Variants in BICD1 observed in about 807,000 individuals in gnomAD.
The protein encoded by BICD1 is protein bicaudal D homolog 1.
BICD1 carries 35 observed loss-of-function variants against 92.5 expected under a neutral mutation model. That is an observed-to-expected ratio of 0.38 (90% CI 0.29 to 0.50). The LOEUF (loss-of-function observed/expected upper bound fraction) is 0.50. BICD1 is among the 20% of genes least tolerant of loss of function. The pLI, the probability that BICD1 is intolerant of heterozygous loss-of-function variation, is 0.93. For missense variants in BICD1, 950 were observed against 1,189.8 expected (o/e 0.80, Z 2.97); for synonymous variants, 429 against 465.1 (o/e 0.92, Z 1.00).
intron 2 of BICD1, among the ~76,000 whole-genome samples, chr12:32,274,027 G>A (rs1947213193): frequency 6.6e-6 from 1 of 152,212 alleles, no homozygotes; most frequent in Non-Finnish European, 1.5e-5. Flanking sequence ...AGAAAGGGCA[G>A]GCTTTATCCG....
At chr12:32,167,270 A>G (rs1306025449) in intron 1 of BICD1, among the ~76,000 whole-genome samples, 1 of 152,258 alleles carries the variant, frequency 6.6e-6, no homozygotes, top group Non-Finnish European at 1.5e-5. Context: ...AATGAAATAA[A>G]AATGAAAAAT....
In BICD1 at chr12:32,205,375, C is replaced by T. The variant is rs998972821; in HGVS notation, c.214-10872C>T. ...GCTCCCCAAGTGATTCTAATGGGTTCGTAAGGTTGAGAACCACTGCTTGAG... is the reference window on the plus strand; with the variant it reads ...GCTCCCCAAGTGATTCTAATGGGTTTGTAAGGTTGAGAACCACTGCTTGAG... On this transcript the variant is annotated intron_variant, in intron 1 of 9. Transcript: ENST00000652176. 2.6e-5 allele frequency among the ~76,000 whole-genome samples: 4 copies of T among 152,004 alleles called. No homozygotes were observed. The South Asian group carries it at 6.2e-4, about 24-fold the overall frequency.
At chr12:32,230,676 C>T (rs1945857505) in intron 2 of BICD1, among the ~76,000 whole-genome samples, 1 of 152,150 alleles carries the variant, frequency 6.6e-6, no homozygotes, top group South Asian at 2.1e-4. Context: ...AAGGAGAATG[C>T]TCTGAAAGCA....
intron 1 of BICD1, among the ~76,000 whole-genome samples, chr12:32,179,245 C>T (rs777434455): frequency 1.3e-5 from 2 of 151,862 alleles, no homozygotes; most frequent in African/African-American, 2.4e-5. Context: ...CAGGCCCCGC[C>T]GCAAGTGATG....
chr12:32,173,898 C>T (rs531311227), intron 1 of BICD1, among the ~76,000 whole-genome samples: 36 of 152,304 alleles, frequency 2.4e-4, no homozygotes, highest in Non-Finnish European at 2.9e-4. Flanking sequence ...TGATTTCTTA[C>T]CAAGATTTCC....
intron 1 of BICD1, among the ~76,000 whole-genome samples, chr12:32,138,974 T>C (rs1942819126): frequency 6.6e-6 from 1 of 152,226 alleles, no homozygotes; most frequent in Admixed American, 6.5e-5. Context: ...GTGATTTTGA[T>C]TAATTTATAT....
At chr12:32,362,438 C>G (rs1939366672) in intron 8 of BICD1, among the ~76,000 whole-genome samples, 1 of 152,178 alleles carries the variant, frequency 6.6e-6, no homozygotes, top group African/African-American at 2.4e-5. Context: ...CGAGAGAAAG[C>G]CACACAGCAA....
At chr12:32,339,644 G>T in intron 8 of BICD1, 6 of 985,218 alleles carry the variant, frequency 6.1e-6, no homozygotes, top group Non-Finnish European at 7.2e-6. Flanking sequence ...TTGAAAATGT[G>T]ACATATGGCA....
rs56217529 is a variant in BICD1 at position 32,282,202 on chromosome 12, C to CTTTT, written c.427-11759_427-11756dup. The stretch of plus-strand genomic sequence containing the variant: ...GCAAGACCCAGCTTCAGGTCTTCTT[C>CTTTT]TTTTTTTTTTTTTTTTTTTTTTTTT... On this transcript the variant is annotated intron_variant, in intron 2 of 9. Coordinates refer to ENST00000652176, the MANE Select transcript of BICD1 (RefSeq NM_001714.4). 6.5e-4 allele frequency among the ~76,000 whole-genome samples: 61 copies of CTTTT among 94,240 alleles called. 9 individuals are homozygous for CTTTT. The highest frequency in any genetic ancestry group is 8.0e-4 in the African/African-American group (18 of 22,466). 61.8% of individuals were successfully genotyped at this position (94,240 alleles called of 152,430 possible). A position where few individuals can be genotyped will look rare whatever the true frequency, so the allele number is the denominator to read the frequency against.
intron 9 of BICD1, among the ~76,000 whole-genome samples, chr12:32,374,180 C>T (rs1213119172): frequency 1.3e-5 from 2 of 150,656 alleles, no homozygotes; most frequent in African/African-American, 4.9e-5. Context: ...TGCCACTGCA[C>T]TCCAGCCTGG....
chr12:32,346,558 A>ATATATATATATATACGTGTG (rs1565687052), intron 8 of BICD1, among the ~76,000 whole-genome samples: 7 of 22,090 alleles, frequency 3.2e-4, no homozygotes, highest in African/African-American at 8.1e-4. Context: ...ATATATATAT[A>ATATATATATATATACGTGTG]TATATATATA....
chr12:32,210,242 T>G (rs914355353), intron 1 of BICD1, among the ~76,000 whole-genome samples: 1 of 152,188 alleles, frequency 6.6e-6, no homozygotes, highest in Admixed American at 6.5e-5. Context: ...AATGAATGAA[T>G]TTTAGTATTA....
In BICD1 at chr12:32,380,212, A is replaced by T. The variant is rs1940132340; in HGVS notation, c.*2585A>T. 6.6e-6 allele frequency: 1 copy of T among 152,226 alleles called. No homozygotes were observed. Among genetic ancestry groups the T allele is most frequent in the African/African-American group, 2.4e-5 (1 of 41,460 alleles). 9.4% of individuals were successfully genotyped at this position (152,226 alleles called of 1,614,324 possible). On this transcript the variant is annotated 3_prime_UTR_variant, in exon 10 of 10. Transcript: ENST00000652176. Reference sequence around the variant, plus strand: ...TATTTACACTGTGGCATCATTTAGTATAGTTTACACTGAGCCATATTTATT... The same window carrying T: ...TATTTACACTGTGGCATCATTTAGTTTAGTTTACACTGAGCCATATTTATT...
intron 8 of BICD1, among the ~76,000 whole-genome samples, chr12:32,362,954 G>T (rs759926370): frequency 6.6e-6 from 1 of 152,074 alleles, no homozygotes; most frequent in Non-Finnish European, 1.5e-5. Context: ...CAAGCCTGTC[G>T]ACCCAGCTAT....
chr12:32,223,516 C>CAAAAAAAA (rs60536204), intron 2 of BICD1, among the ~76,000 whole-genome samples: 3 of 103,416 alleles, frequency 2.9e-5, no homozygotes, highest in Admixed American at 9.6e-5. Context: ...GACTTTGTCT[C>CAAAAAAAA]AAAAAAAAAA....
At chr12:32,117,878 G>A (rs1941994880) in intron 1 of BICD1, among the ~76,000 whole-genome samples, 1 of 149,920 alleles carries the variant, frequency 6.7e-6, no homozygotes, top group Non-Finnish European at 1.5e-5. Flanking sequence ...AGGCTCCCGA[G>A]TAGCTGGGAT....
chr12:32,194,684 C>T (rs539841594), intron 1 of BICD1, among the ~76,000 whole-genome samples: 2 of 151,834 alleles, frequency 1.3e-5, no homozygotes, highest in African/African-American at 2.4e-5. Flanking sequence ...GATTTTGAGA[C>T]CAGCCTGACC....
intron 2 of BICD1, among the ~76,000 whole-genome samples, chr12:32,284,771 T>C (rs574648617): frequency 6.6e-6 from 1 of 152,296 alleles, no homozygotes; most frequent in African/African-American, 2.4e-5. Context: ...GTTACTTTGC[T>C]CCAACCACAC....
rs1311504047 is a variant in BICD1, at chr12:32,107,058, G to T, written c.-274G>T. ...CATGCCGCACGGCTGCTGACCGCAC[G>T]CAGGGGCCGGCCCCGAGGACACATG... On this transcript the variant is annotated 5_prime_UTR_variant, in exon 1 of 10. Coordinates refer to ENST00000652176, the MANE Select transcript of BICD1 (RefSeq NM_001714.4). 5 of 418,888 alleles carry T rather than the reference G, an allele frequency of 1.2e-5. No individual in the cohort carries two copies. The East Asian group carries it at 2.3e-4, about 19-fold the overall frequency. 25.9% of individuals were successfully genotyped at this position (418,888 alleles called of 1,614,324 possible). A position where few individuals can be genotyped will look rare whatever the true frequency, so the allele number is the denominator to read the frequency against.
Sources: gnomAD v4.1 joint callset for allele counts (sites outside exome capture counted in the v4.1 genomes callset) on GRCh38, gnomAD v4.1.1 for gene constraint, MANE v1.5 for transcripts, NCBI Gene and HGNC (gene_info 2026-07-23, HGNC 2026-07-21) for gene names.